Variants in SGK3 observed in about 807,000 individuals in gnomAD.
SGK3 encodes the protein serum/glucocorticoid regulated kinase family member 3, also known as serine/threonine-protein kinase Sgk3.
In SGK3, 47 loss-of-function variants were observed where a neutral mutation model predicts 68.5. The ratio of observed to expected loss-of-function variants is 0.69; its 90% CI spans 0.54 to 0.87. SGK3 has a LOEUF of 0.87. Ranked by LOEUF, SGK3 falls within the 40% of genes least tolerant of loss-of-function variation. The pLI, the probability that SGK3 is intolerant of heterozygous loss-of-function variation, is 0.00. For synonymous variants in SGK3, 181 were observed against 189.1 expected (o/e 0.96, Z 0.35); for missense variants, 479 against 575.5 (o/e 0.83, Z 1.72).
chr8:66,719,369 C>A (rs1400552438), intron 1 of SGK3, among the ~76,000 whole-genome samples: 1 of 151,952 alleles, frequency 6.6e-6, no homozygotes, highest in South Asian at 2.1e-4. Flanking sequence ...GTCTATCTCC[C>A]AGGCTGGAAT....
rs1255142747 is a variant in SGK3, at chr8:66,860,109, A to G, written c.*528A>G. On this transcript the variant is annotated 3_prime_UTR_variant, in exon 17 of 17. Transcript: ENST00000521198. ...ATGATCGAAATGTAAAAGCATAATT[A>G]ACACATTGGCTGCTAGTTAACAATT... 6.5e-6 allele frequency: 1 copy of G among 152,762 alleles called. No homozygotes were observed. Among genetic ancestry groups the G allele is most frequent in the Non-Finnish European group, 1.5e-5 (1 of 68,142 alleles). 9.5% of individuals were successfully genotyped at this position (152,762 alleles called of 1,614,324 possible).
intron 1 of SGK3, among the ~76,000 whole-genome samples, chr8:66,729,806 G>T (rs759043046): frequency 6.6e-6 from 1 of 151,656 alleles, no homozygotes; most frequent in African/African-American, 2.4e-5. Context: ...GTACAGTGGC[G>T]CGATCTTGGC....
At chr8:66,804,535 G>T (rs1808074286) in intron 4 of SGK3, 88 bp downstream of exon 4, 4 of 1,353,098 alleles carry the variant, frequency 3.0e-6, no homozygotes, top group Admixed American at 2.0e-5. Context: ...GTATAGCAGT[G>T]CAGGACTTTA....
intron 1 of SGK3, among the ~76,000 whole-genome samples, chr8:66,780,602 G>T (rs115319186): frequency 1.3e-5 from 2 of 152,178 alleles, no homozygotes; most frequent in East Asian, 3.9e-4. Flanking sequence ...GACGAGATGG[G>T]AGAGGGCTTG....
Position 66,823,648 on chromosome 8 carries a change from G to A in SGK3, c.417+1189G>A, listed in dbSNP as rs147777049. ...CCTAACCTTGTGATCCTCCTGCCTC[G>A]GCCTCCCAAAGTGCTGGGATTACAA... On this transcript the variant is annotated intron_variant, in intron 6 of 16. Transcript: ENST00000521198. 4.1e-3 allele frequency among the ~76,000 whole-genome samples: 628 copies of A among 151,958 alleles called. 9 individuals carry two copies. The highest frequency in any genetic ancestry group is 0.014 in the African/African-American group (566 of 41,452).
intron 14 of SGK3, among the ~76,000 whole-genome samples, chr8:66,844,022 C>G (rs971217276): frequency 6.9e-6 from 1 of 145,680 alleles, no homozygotes; most frequent in Non-Finnish European, 1.5e-5. Flanking sequence ...AAAAAAAACC[C>G]TTTTTATTTG....
chr8:66,839,486 T>C (rs1809677624), intron 10 of SGK3, among the ~76,000 whole-genome samples: 1 of 113,506 alleles, frequency 8.8e-6, no homozygotes, highest in African/African-American at 3.4e-5. Context: ...TCAAGTAAAT[T>C]ATATGTATGG....
intron 7 of SGK3, among the ~76,000 whole-genome samples, chr8:66,829,901 C>G (rs1413284783): frequency 6.9e-6 from 1 of 145,480 alleles, no homozygotes; most frequent in Admixed American, 7.1e-5. Context: ...GAGACAGAGT[C>G]TCGCTCTGTC....
At chr8:66,789,876 G>A (rs1172947440) in intron 1 of SGK3, among the ~76,000 whole-genome samples, 9 of 151,982 alleles carry the variant, frequency 5.9e-5, no homozygotes, top group Admixed American at 2.6e-4. Context: ...TCAGAAGTTC[G>A]AGACCAGCCT....
At chr8:66,853,488 A>T (rs1431527165) in intron 16 of SGK3, among the ~76,000 whole-genome samples, 1 of 152,190 alleles carries the variant, frequency 6.6e-6, no homozygotes, top group East Asian at 1.9e-4. Flanking sequence ...TTAATAGGGT[A>T]GTTACTAGGG....
intron 1 of SGK3, chr8:66,767,327 T>C: frequency 1.1e-6 from 1 of 923,982 alleles, no homozygotes. Context: ...TAAGTATATA[T>C]CTTTTTTTCT....
chr8:66,735,694 C>T lies in SGK3; in HGVS notation c.-122+22861C>T, dbSNP rs1262579798. ...TTCCCATTTCACCTGAGGTAGTTAG[C>T]TACAGACTTGACATTTTCACATTAA... On this transcript the variant is annotated intron_variant, in intron 1 of 16. Transcript: ENST00000521198. 3.3e-5 allele frequency among the ~76,000 whole-genome samples: 5 copies of T among 152,302 alleles called. No homozygotes were observed. The East Asian group carries it at 9.6e-4, about 29-fold the overall frequency.
At chr8:66,772,653 C>T (rs914957113) in intron 1 of SGK3, among the ~76,000 whole-genome samples, 5 of 151,744 alleles carry the variant, frequency 3.3e-5, no homozygotes, top group Non-Finnish European at 5.9e-5. Flanking sequence ...CTCTGCCTCC[C>T]GGGTTCACGC....
At chr8:66,822,891 G>T (rs1456736561) in intron 6 of SGK3, among the ~76,000 whole-genome samples, 1 of 152,152 alleles carries the variant, frequency 6.6e-6, no homozygotes, top group Non-Finnish European at 1.5e-5. Flanking sequence ...AGAATGCTGG[G>T]ATTACAGGCA....
chr8:66,806,504 A>G (rs1435657591), intron 4 of SGK3, among the ~76,000 whole-genome samples: 2 of 152,134 alleles, frequency 1.3e-5, no homozygotes, highest in Non-Finnish European at 2.9e-5. Flanking sequence ...GCAGCGGAAC[A>G]CTTTTTTCCC....
chr8:66,820,312 A>C (rs918719758), intron 5 of SGK3, among the ~76,000 whole-genome samples: 2 of 152,042 alleles, frequency 1.3e-5, no homozygotes, highest in Non-Finnish European at 2.9e-5. Flanking sequence ...ATACTAGGTG[A>C]CTTTTTTTTT....
chr8:66,812,842 A>G (rs1043299919), intron 4 of SGK3, among the ~76,000 whole-genome samples: 2 of 152,252 alleles, frequency 1.3e-5, no homozygotes, highest in African/African-American at 4.8e-5. Flanking sequence ...ATATTTGAAT[A>G]AAGTTTTCTA....
At chr8:66,722,682 G>A (rs1804829008) in intron 1 of SGK3, among the ~76,000 whole-genome samples, 1 of 152,172 alleles carries the variant, frequency 6.6e-6, no homozygotes, top group Non-Finnish European at 1.5e-5. Context: ...ACTGTATTAG[G>A]TCGTTCTTGC....
intron 7 of SGK3, 130 bp downstream of exon 7, chr8:66,828,833 T>C (rs1585779269): frequency 1.7e-6 from 2 of 1,176,884 alleles, no homozygotes; most frequent in East Asian, 2.4e-5. Flanking sequence ...TTACAGTGAA[T>C]ACAGTGCTGT....
Sources: gnomAD v4.1 joint callset for allele counts (sites outside exome capture counted in the v4.1 genomes callset) on GRCh38, gnomAD v4.1.1 for gene constraint, MANE v1.5 for transcripts, NCBI Gene and HGNC (gene_info 2026-07-23, HGNC 2026-07-21) for gene names.